The following TGIF2 variants were observed in gnomAD, a reference collection of about 807,000 sequenced individuals.
TGIF2 encodes the protein TGFB induced factor homeobox 2, also known as homeobox protein TGIF2.
In TGIF2, 5 loss-of-function variants were observed where a neutral mutation model predicts 15.1. The ratio of observed to expected loss-of-function variants is 0.33; its 90% CI spans 0.17 to 0.70. TGIF2 has a LOEUF of 0.70. TGIF2 is among the 30% of genes least tolerant of loss of function. The probability of loss-of-function intolerance (pLI) is 0.67; values close to 1 mark genes in which losing one functional copy is unlikely to be tolerated. For missense variants in TGIF2, 264 were observed against 302.5 expected, an observed-to-expected ratio of 0.87 and a Z score of 0.94; for synonymous variants, 131 against 128.9, an observed-to-expected ratio of 1.02 and a Z score of -0.11.
rs1225973377 is a variant in TGIF2 at position 36,574,120 on chromosome 20, GC to G, written c.-35+382del. Among the ~76,000 whole-genome samples the G allele has an allele frequency of 3.3e-5, 5 of 151,578 alleles. No individual in the cohort carries two copies. In the East Asian group the frequency reaches 9.9e-4, roughly 30 times the overall value. On this transcript the variant is annotated intron_variant, in intron 1 of 2. Coordinates refer to ENST00000373872, the MANE Select transcript of TGIF2 (RefSeq NM_021809.7). ...GTGCACGTTGCTAACCGCCAGCAGG[GC>G]CCCCCCGCCGCCGAGCCGGACAGGG...
In TGIF2 at chr20:36,584,747, A is replaced by G. The variant is rs1027951757; in HGVS notation, c.192+5781A>G. ...GTTTTAGTAAAGACAGGGTTTCACC[A>G]TTTTGGCCAGGCTGGTCTCGAACTC... On this transcript the variant is annotated intron_variant, in intron 2 of 2. Transcript: ENST00000373872. Among the ~76,000 whole-genome samples the G allele has an allele frequency of 4.6e-5, 7 of 152,110 alleles. No homozygotes were observed. In the South Asian group the frequency reaches 1.0e-3, roughly 23 times the overall value.
At chr20:36,585,814 A>G (rs1600778512) in intron 2 of TGIF2, among the ~76,000 whole-genome samples, 1 of 152,090 alleles carries the variant, frequency 6.6e-6, no homozygotes, top group African/African-American at 2.4e-5. Flanking sequence ...CTGGGCCCCA[A>G]TCCTTTACTG....
chr20:36,579,623 T>A (rs1364074468), intron 2 of TGIF2, among the ~76,000 whole-genome samples: 1 of 152,146 alleles, frequency 6.6e-6, no homozygotes, highest in Non-Finnish European at 1.5e-5. Flanking sequence ...GCGACTTGGT[T>A]GAAAGGGGCA....
chr20:36,578,779 C>G lies in TGIF2; in HGVS notation c.5C>G (p.Ser2Trp), dbSNP rs764618617. 9 of 1,610,724 alleles carry G rather than the reference C, an allele frequency of 5.6e-6. No homozygotes were observed. The highest frequency in any genetic ancestry group is 5.9e-6 in the Non-Finnish European group (7 of 1,178,240). ...CCAGCCTAGCCCCTAGGCACCATGT[C>G]GGACAGTGATCTAGGTGAGGACGAA... M[S>W]DSDLGEDEGL... Residue 2 changes from serine to tryptophan, a missense_variant, in exon 2 of 3, where the codon TCG becomes TGG. Physicochemically the swap from Ser to Trp is radical, Grantham distance 177 (BLOSUM62 -3). Coordinates refer to ENST00000373872, the MANE Select transcript of TGIF2 (RefSeq NM_021809.7).
intron 1 of TGIF2, chr20:36,574,501 C>T (rs887923917): frequency 1.3e-5 from 2 of 151,826 alleles, no homozygotes; most frequent in African/African-American, 2.4e-5. Flanking sequence ...CCCCTCCCCT[C>T]CCCCTCCGGG....
intron 1 of TGIF2, among the ~76,000 whole-genome samples, chr20:36,576,921 T>C (rs2038441567): frequency 6.6e-6 from 1 of 152,174 alleles, no homozygotes; most frequent in South Asian, 2.1e-4. Context: ...CCCAGGCTGG[T>C]CTTGAACTAC....
chr20:36,585,597 CTT>C (rs781370817), intron 2 of TGIF2, among the ~76,000 whole-genome samples: 31 of 152,174 alleles, frequency 2.0e-4, no homozygotes, highest in Admixed American at 3.3e-4. Flanking sequence ...GGGGACATCT[CTT>C]TTGATTGTCT....
intron 2 of TGIF2, among the ~76,000 whole-genome samples, chr20:36,587,176 C>G (rs1040476790): frequency 6.6e-6 from 1 of 152,234 alleles, no homozygotes; most frequent in Non-Finnish European, 1.5e-5. Flanking sequence ...GCCACTCAGT[C>G]CCCCCGCGTT....
chr20:36,578,412 CAAA>C (rs747225580), intron 1 of TGIF2, among the ~76,000 whole-genome samples: 16 of 92,286 alleles, frequency 1.7e-4, no homozygotes, highest in Non-Finnish European at 1.3e-4. Context: ...GAGCCTCTCT[CAAA>C]AAAAAAAAAA....
intron 2 of TGIF2, among the ~76,000 whole-genome samples, chr20:36,589,196 G>A (rs1179034289): frequency 6.6e-6 from 1 of 152,074 alleles, no homozygotes; most frequent in Non-Finnish European, 1.5e-5. Flanking sequence ...GCTTGTTGGT[G>A]GTTATTCACC....
At chr20:36,584,700 C>G (rs2038617659) in intron 2 of TGIF2, among the ~76,000 whole-genome samples, 1 of 151,970 alleles carries the variant, frequency 6.6e-6, no homozygotes, top group Non-Finnish European at 1.5e-5. Context: ...GCACCTGCCA[C>G]CAGGCTGAGC....
At position 36,574,443 on chromosome 20, in the gene TGIF2, G is replaced by GA. The variant is rs1406830492; in HGVS notation, c.-35+698_-35+699insA. On this transcript the variant is annotated intron_variant, in intron 1 of 2. Coordinates refer to ENST00000373872, the MANE Select transcript of TGIF2 (RefSeq NM_021809.7). ...CATGGAGTCTGGGCGCAGGGCTGGG[G>GA]GGGGGGGGGCGGCGCGGAGGTGGGA... 3.4e-5 allele frequency: 5 copies of GA among 147,320 alleles called. 1 individual carries two copies. Among genetic ancestry groups the GA allele is most frequent in the Non-Finnish European group, 7.6e-5 (5 of 66,168 alleles). 9.1% of individuals were successfully genotyped at this position (147,320 alleles called of 1,614,324 possible). A position where few individuals can be genotyped will look rare whatever the true frequency, so the allele number is the denominator to read the frequency against.
chr20:36,578,126 G>A (rs1197621629), intron 1 of TGIF2, among the ~76,000 whole-genome samples: 1 of 152,168 alleles, frequency 6.6e-6, no homozygotes, highest in African/African-American at 2.4e-5. Flanking sequence ...AAAATGCTCA[G>A]TACAGGCCAG....
chr20:36,591,503 A>G lies in TGIF2; in HGVS notation c.*72A>G. ...TTTCCGTTTTGGTTCCCTTTCATAC[A>G]GAGGGTTTTCTATGGATCACTGCCA... is the stretch of plus-strand genomic sequence containing the variant. On this transcript the variant is annotated 3_prime_UTR_variant, in exon 3 of 3. Coordinates refer to ENST00000373872, the MANE Select transcript of TGIF2 (RefSeq NM_021809.7). The surrounding 1 kb of genome is among the most constrained non-coding windows in gnomAD (Gnocchi z 5.3). 2 of 1,484,784 alleles carry G rather than the reference A, an allele frequency of 1.3e-6. No homozygotes were observed. Among genetic ancestry groups the G allele is most frequent in the Non-Finnish European group, 1.8e-6 (2 of 1,101,684 alleles). 92.0% of individuals were successfully genotyped at this position (1,484,784 alleles called of 1,614,324 possible).
chr20:36,578,598 G>C, intron 1 of TGIF2, 143 bp from the exon 2 acceptor site: 1 of 894,442 alleles, frequency 1.1e-6, no homozygotes, highest in Non-Finnish European at 1.6e-6. Flanking sequence ...TAGCTTGCTC[G>C]GTCTGTGTTA....
At chr20:36,575,930 T>TAA (rs113595117) in intron 1 of TGIF2, among the ~76,000 whole-genome samples, 143 of 142,466 alleles carry the variant, frequency 1.0e-3, no homozygotes, top group Middle Eastern at 7.2e-3. Flanking sequence ...CTGTCTCTAC[T>TAA]AAAAAAAAAA....
At chr20:36,576,077 G>T (rs970867376) in intron 1 of TGIF2, among the ~76,000 whole-genome samples, 145 of 151,574 alleles carry the variant, frequency 9.6e-4, no homozygotes, top group African/African-American at 3.4e-3. Flanking sequence ...AGGCTACAGA[G>T]CGAGACTCCA....
chr20:36,588,739 C>G (rs2038711298), intron 2 of TGIF2, among the ~76,000 whole-genome samples: 1 of 152,152 alleles, frequency 6.6e-6, no homozygotes, highest in Non-Finnish European at 1.5e-5. Context: ...TATGAGCCTT[C>G]CAGCCCGACA....
At chr20:36,578,564 G>A (rs2038478476) in intron 1 of TGIF2, among the ~76,000 whole-genome samples, 177 bp from the exon 2 acceptor site, 2 of 152,206 alleles carry the variant, frequency 1.3e-5, no homozygotes, top group Non-Finnish European at 1.5e-5. Context: ...CCATGAAGTG[G>A]AGGAACTTTG....
Sources: gnomAD v4.1 joint callset for allele counts (sites outside exome capture counted in the v4.1 genomes callset) on GRCh38, gnomAD v4.1.1 for gene constraint, Gnocchi (gnomAD v3.1) non-coding constraint, MANE v1.5 for transcripts, NCBI Gene and HGNC (gene_info 2026-07-23, HGNC 2026-07-21) for gene names.